The following PPT2 variants were observed in gnomAD, a reference collection of about 807,000 sequenced individuals.
The protein encoded by PPT2 is palmitoyl-protein thioesterase 2.
Under a neutral mutation model 37.3 loss-of-function variants are expected in PPT2, and 20 were observed. That is an observed-to-expected ratio of 0.54 (90% CI 0.38 to 0.78). PPT2 has a LOEUF of 0.78. Among genes scored for constraint, PPT2 ranks in the 30% least tolerant of loss-of-function variants. PPT2 has a pLI of 0.00. For missense variants in PPT2, 270 were observed against 389.8 expected (o/e 0.69, Z 2.59); for synonymous variants, 135 against 159.1 (o/e 0.85, Z 1.14).
At chr6:32,153,799 G>C, upstream of PPT2, 1 of 1,080,200 alleles carries the variant, frequency 9.3e-7, no homozygotes, top group Non-Finnish European at 1.3e-6. This position sits in a 1 kb window ranked among gnomAD's most constrained non-coding sequence, Gnocchi z 4.4. Flanking sequence ...CGCCCCTTGG[G>C]GAATGCAAAC....
intron 7 of PPT2, among the ~76,000 whole-genome samples, chr6:32,160,024 T>A (rs779717667): frequency 6.7e-6 from 1 of 149,940 alleles, no homozygotes; most frequent in Non-Finnish European, 1.5e-5. Flanking sequence ...CTGGCCAATA[T>A]ATATCTCTCT....
chr6:32,154,792 A>T lies in PPT2; in HGVS notation c.183+15A>T. On this transcript the variant is annotated intron_variant, in intron 2 of 8. Coordinates refer to ENST00000324816, the MANE Select transcript of PPT2 (RefSeq NM_005155.7). The surrounding 1 kb of genome is among the most constrained non-coding windows in gnomAD (Gnocchi z 7.3). The stretch of plus-strand genomic sequence containing the variant: ...ACATCAATGAGGTCTGGCAGGGGAC[A>T]CCTGGGTGCAGGGCGTTAGAGGCGT... The T allele has an allele frequency of 6.2e-7, 1 of 1,607,704 alleles. No homozygotes were observed. The highest frequency in any genetic ancestry group is 8.5e-7 in the Non-Finnish European group (1 of 1,175,796).
intron 7 of PPT2, among the ~76,000 whole-genome samples, chr6:32,158,935 C>G (rs534004911): frequency 6.6e-6 from 1 of 152,168 alleles, no homozygotes; most frequent in African/African-American, 2.4e-5. Context: ...CCAGGCATGT[C>G]AAACCTTAGC....
intron 7 of PPT2, chr6:32,158,146 CA>C (rs1236937123): frequency 1.4e-5 from 7 of 482,854 alleles, no homozygotes; most frequent in Admixed American, 3.7e-5. Flanking sequence ...CCATCCCTAT[CA>C]CCCCCTCCCC....
intron 7 of PPT2, among the ~76,000 whole-genome samples, chr6:32,159,672 T>A (rs62402751): frequency 0.042 from 6,415 of 151,622 alleles, 185 homozygotes; most frequent in African/African-American, 0.077. Context: ...TGAATGACAG[T>A]GATAGCTCAT....
Position 32,154,960 on chromosome 6 carries a change from G to T in PPT2, c.184-70G>T, listed in dbSNP as rs1478589199. The T allele has an allele frequency of 1.3e-6, 2 of 1,598,962 alleles. No individual in the cohort carries two copies. Among genetic ancestry groups the T allele is most frequent in the Non-Finnish European group, 1.7e-6 (2 of 1,170,014 alleles). On this transcript the variant is annotated intron_variant, in intron 2 of 8. Transcript: ENST00000324816. The surrounding 1 kb of genome is among the most constrained non-coding windows in gnomAD (Gnocchi z 7.3). Reference sequence around the variant, plus strand: ...AGCAGGGTACAATAGACCTGTGGACGCGGGCCAGGGGGTGGCGTGTGGGAG... The same window carrying T: ...AGCAGGGTACAATAGACCTGTGGACTCGGGCCAGGGGGTGGCGTGTGGGAG...
At chr6:32,159,433 C>CAAAAAAAAAAAAAAAAAAA in intron 7 of PPT2, among the ~76,000 whole-genome samples, 1 of 22,198 alleles carries the variant, frequency 4.5e-5, no homozygotes, top group Non-Finnish European at 7.5e-5. Flanking sequence ...AACTCCATCT[C>CAAAAAAAAAAAAAAAAAAA]AAAAAAAAAA....
rs71536113 is a variant in PPT2 at position 32,155,580 on chromosome 6, GTCTC to G, written c.338-106_338-103del. On this transcript the variant is annotated intron_variant, in intron 3 of 8. Transcript: ENST00000324816. The surrounding 1 kb of genome is among the most constrained non-coding windows in gnomAD (Gnocchi z 4.3). ...TTGTGTACAGTGTGTGTCTGTGTGTGTCTCTGTGTGTGTGTGTGTGTGTGTGTGT... is the reference window on the plus strand; with the variant it reads ...TTGTGTACAGTGTGTGTCTGTGTGTGTGTGTGTGTGTGTGTGTGTGTGTGT... 6 of 797,268 alleles carry G rather than the reference GTCTC, an allele frequency of 7.5e-6. No homozygotes were observed. The African/African-American group carries it at 8.7e-5, about 12-fold the overall frequency. 49.4% of individuals were successfully genotyped at this position (797,268 alleles called of 1,614,324 possible). A position where few individuals can be genotyped will look rare whatever the true frequency, so the allele number is the denominator to read the frequency against.
intron 7 of PPT2, among the ~76,000 whole-genome samples, chr6:32,161,513 T>A (rs1265620820): frequency 1.3e-5 from 2 of 151,052 alleles, no homozygotes; most frequent in Non-Finnish European, 2.9e-5. Context: ...GGTCTTGAAC[T>A]CCTGACCTCA....
Position 32,155,617 on chromosome 6 carries a change from TG to T in PPT2, c.338-69del. On this transcript the variant is annotated intron_variant, in intron 3 of 8. Coordinates refer to ENST00000324816, the MANE Select transcript of PPT2 (RefSeq NM_005155.7). This position sits in a 1 kb window ranked among gnomAD's most constrained non-coding sequence, Gnocchi z 4.3. ...GTGTGTGTGTGTGTGTGTGTGTGTGTGGTGGGGGTGGGGGGTGCTGCTGGCT... is the reference window on the plus strand; with the variant it reads ...GTGTGTGTGTGTGTGTGTGTGTGTGTGTGGGGGTGGGGGGTGCTGCTGGCT... 9 of 868,278 alleles carry T rather than the reference TG, an allele frequency of 1.0e-5. No homozygotes were observed. Among genetic ancestry groups the T allele is most frequent in the Non-Finnish European group, 1.7e-5 (9 of 544,102 alleles). The allele number at this position is 868,278 out of a possible 1,614,324, so 53.8% of individuals were successfully genotyped here. A position where few individuals can be genotyped will look rare whatever the true frequency, so the allele number is the denominator to read the frequency against.
chr6:32,154,072 T>C (rs1308782815), upstream of PPT2: 2 of 1,096,508 alleles, frequency 1.8e-6, no homozygotes, highest in Non-Finnish European at 2.2e-6. The surrounding 1 kb of genome is among the most constrained non-coding windows in gnomAD (Gnocchi z 7.3). Context: ...CTCGCGCGGT[T>C]GCCAGAGAAA....
chr6:32,154,236 A>AC lies in PPT2; in HGVS notation c.-174dup. The AC allele has an allele frequency of 8.4e-7, 1 of 1,184,402 alleles. No homozygotes were observed. Among genetic ancestry groups the AC allele is most frequent in the Non-Finnish European group, 1.0e-6 (1 of 955,868 alleles). The allele number at this position is 1,184,402 out of a possible 1,614,324, so 73.4% of individuals were successfully genotyped here. A position where few individuals can be genotyped will look rare whatever the true frequency, so the allele number is the denominator to read the frequency against. On this transcript the variant is annotated 5_prime_UTR_variant, in exon 1 of 9. Transcript: ENST00000324816. This position sits in a 1 kb window ranked among gnomAD's most constrained non-coding sequence, Gnocchi z 7.3. ...ACAGCGGGTGGAGCGAGGCCTACGGACCCAGGCCAGGTGGGAGTCTGCACT... is the reference window on the plus strand; with the variant it reads ...ACAGCGGGTGGAGCGAGGCCTACGGACCCCAGGCCAGGTGGGAGTCTGCACT...
chr6:32,154,504 A>T lies in PPT2; in HGVS notation c.-8-83A>T. On this transcript the variant is annotated intron_variant, in intron 1 of 8. Coordinates refer to ENST00000324816, the MANE Select transcript of PPT2 (RefSeq NM_005155.7). This position sits in a 1 kb window ranked among gnomAD's most constrained non-coding sequence, Gnocchi z 7.3. ...ACGGACCTGGTGTGGGAGCGAGAGG[A>T]GGTGGCTTGATTGCCGGGCGTCTGT... 3.9e-6 allele frequency: 6 copies of T among 1,528,406 alleles called. No individual in the cohort carries two copies. The South Asian group carries it at 6.3e-5, about 16-fold the overall frequency. The allele number at this position is 1,528,406 out of a possible 1,614,324, so 94.7% of individuals were successfully genotyped here.
Position 32,155,736 on chromosome 6 carries a change from T to C in PPT2, c.386T>C (p.Val129Ala). 1 of 1,614,084 alleles carries C rather than the reference T, an allele frequency of 6.2e-7. No individual in the cohort carries two copies. Residue 129 changes from valine to alanine, a missense_variant, in exon 4 of 9, where the codon GTG becomes GCG. By Grantham distance (64) the Val-to-Ala change is moderately conservative. Transcript: ENST00000324816. This position sits in a 1 kb window ranked among gnomAD's most constrained non-coding sequence, Gnocchi z 4.3. ...ALLSVMDDHNVDSFISLSSPQ... is the reference protein window; with the variant it reads ...ALLSVMDDHNADSFISLSSPQ... ...CTTTCTGTCATGGATGATCACAACG[T>C]GGATTCTTTCATCTCCCTCTCCTCT...
chr6:32,154,293 A>G lies in PPT2; in HGVS notation c.-120A>G, dbSNP rs1009649951. 7.5e-7 allele frequency: 1 copy of G among 1,333,638 alleles called. No individual in the cohort carries two copies. The highest frequency in any genetic ancestry group is 9.6e-7 in the Non-Finnish European group (1 of 1,044,326). 82.6% of individuals were successfully genotyped at this position (1,333,638 alleles called of 1,614,324 possible). ...GGGGCCTGGGCTGCTGCTCACGGGT[A>G]TTAAAGAACTCCGCGTTGTTCATGG... On this transcript the variant is annotated 5_prime_UTR_variant, in exon 1 of 9. Coordinates refer to ENST00000324816, the MANE Select transcript of PPT2 (RefSeq NM_005155.7). The surrounding 1 kb of genome is among the most constrained non-coding windows in gnomAD (Gnocchi z 7.3).
chr6:32,154,966 C>G lies in PPT2; in HGVS notation c.184-64C>G. 1.2e-6 allele frequency: 2 copies of G among 1,604,692 alleles called. No homozygotes were observed. The highest frequency in any genetic ancestry group is 1.7e-6 in the Non-Finnish European group (2 of 1,174,630). The stretch of plus-strand genomic sequence containing the variant: ...GTACAATAGACCTGTGGACGCGGGC[C>G]AGGGGGTGGCGTGTGGGAGCTTCTT... On this transcript the variant is annotated intron_variant, in intron 2 of 8. Transcript: ENST00000324816. The surrounding 1 kb of genome is among the most constrained non-coding windows in gnomAD (Gnocchi z 7.3).
intron 5 of PPT2, 72 bp from the exon 6 acceptor site, chr6:32,157,565 C>T: frequency 7.7e-7 from 1 of 1,292,328 alleles, no homozygotes; most frequent in Non-Finnish European, 1.1e-6. Flanking sequence ...GCTGCAGCTT[C>T]CTTATTGGGC....
Position 32,154,803 on chromosome 6 carries a change from G to C in PPT2, c.183+26G>C. On this transcript the variant is annotated intron_variant, in intron 2 of 8. Coordinates refer to ENST00000324816, the MANE Select transcript of PPT2 (RefSeq NM_005155.7). This position sits in a 1 kb window ranked among gnomAD's most constrained non-coding sequence, Gnocchi z 7.3. Reference sequence around the variant, plus strand: ...GTCTGGCAGGGGACACCTGGGTGCAGGGCGTTAGAGGCGTCTACTGTGGCA... The same window carrying C: ...GTCTGGCAGGGGACACCTGGGTGCACGGCGTTAGAGGCGTCTACTGTGGCA... 1 of 1,599,728 alleles carries C rather than the reference G, an allele frequency of 6.3e-7. No homozygotes were observed. The highest frequency in any genetic ancestry group is 1.3e-5 in the African/African-American group (1 of 74,724).
Position 32,158,631 on chromosome 6 carries a change from A to T in PPT2, c.710+707A>T, listed in dbSNP as rs189763854. Among the ~76,000 whole-genome samples the T allele has an allele frequency of 4.9e-3, 754 of 152,338 alleles. 11 individuals are homozygous for T. Among genetic ancestry groups the T allele is most frequent in the African/African-American group, 0.016 (679 of 41,548 alleles). On this transcript the variant is annotated intron_variant, in intron 7 of 8. Coordinates refer to ENST00000324816, the MANE Select transcript of PPT2 (RefSeq NM_005155.7). The stretch of plus-strand genomic sequence containing the variant: ...TATATTCTAGTTTGTAAGATAGCTG[A>T]TACATACATACAAATATATATGTCA...
Sources: gnomAD v4.1 joint callset for allele counts (sites outside exome capture counted in the v4.1 genomes callset) on GRCh38, gnomAD v4.1.1 for gene constraint, Gnocchi (gnomAD v3.1) non-coding constraint, MANE v1.5 for transcripts, NCBI Gene and HGNC (gene_info 2026-07-23, HGNC 2026-07-21) for gene names.